The following CCDC63 variants were observed in gnomAD, a reference collection of about 807,000 sequenced individuals.
CCDC63 encodes coiled-coil domain containing 63, also known as coiled-coil domain-containing protein 63.
A neutral mutation model predicts 63.6 loss-of-function variants in CCDC63; 54 were observed. The ratio of observed to expected loss-of-function variants is 0.85; its 90% CI spans 0.68 to 1.07. The LOEUF is 1.07. CCDC63 is among the 50% of genes least tolerant of loss of function. CCDC63 has a pLI of 0.00. For missense variants in CCDC63, 637 were observed against 689.6 expected, an observed-to-expected ratio of 0.92 and a Z score of 0.86; for synonymous variants, 253 against 266.1, an observed-to-expected ratio of 0.95 and a Z score of 0.48.
At chr12:110,891,311 A>AAAACAAACAAAC (rs140894091) in intron 8 of CCDC63, among the ~76,000 whole-genome samples, 1 of 150,364 alleles carries the variant, frequency 6.7e-6, no homozygotes, top group African/African-American at 2.5e-5. Context: ...AGCTTGTCTC[A>AAAACAAACAAAC]AAACAAACAA....
chr12:110,852,282 G>A (rs1348032409), intron 1 of CCDC63, among the ~76,000 whole-genome samples: 1 of 151,990 alleles, frequency 6.6e-6, no homozygotes, highest in Non-Finnish European at 1.5e-5. Context: ...GTGAGATGGA[G>A]TCTCACTCTG....
intron 8 of CCDC63, among the ~76,000 whole-genome samples, chr12:110,885,669 G>C (rs975449653): frequency 2.0e-5 from 3 of 152,006 alleles, no homozygotes; most frequent in Non-Finnish European, 4.4e-5. Flanking sequence ...CTGCTCATTA[G>C]TCCTGACCCT....
rs548601390 is a variant in CCDC63 at position 110,870,364 on chromosome 12, G to A, written c.370-3478G>A. On this transcript the variant is annotated intron_variant, in intron 4 of 11. Coordinates refer to ENST00000308208, the MANE Select transcript of CCDC63 (RefSeq NM_152591.3). ...CCCAATGTGTTGGGATTACAGGCAT[G>A]AGGCACAGCACCCAGTCCTTTATTA... 5.9e-4 allele frequency among the ~76,000 whole-genome samples: 90 copies of A among 152,340 alleles called. 3 individuals are homozygous for A. The highest frequency in any genetic ancestry group is 3.1e-3 in the South Asian group (15 of 4,828).
intron 11 of CCDC63, among the ~76,000 whole-genome samples, chr12:110,906,008 TA>T (rs1349719202): frequency 5.3e-4 from 28 of 52,660 alleles, no homozygotes; most frequent in South Asian, 8.5e-4. Context: ...ATATATTATA[TA>T]ATATAATATA....
intron 5 of CCDC63, among the ~76,000 whole-genome samples, chr12:110,876,000 G>A (rs1244468639): frequency 3.3e-5 from 5 of 151,830 alleles, no homozygotes; most frequent in African/African-American, 1.2e-4. Context: ...CAGCTATTTT[G>A]GAGGCTGAGG....
intron 4 of CCDC63, among the ~76,000 whole-genome samples, chr12:110,865,464 C>CAAAAAAAAAAAA (rs10585238): frequency 7.2e-4 from 74 of 102,234 alleles, no homozygotes; most frequent in East Asian, 1.3e-3. Context: ...CAGCATATAC[C>CAAAAAAAAAAAA]AAAAAAAAAA....
rs554786882 is a variant in CCDC63 at position 110,886,513 on chromosome 12, G to A, written c.1074+2263G>A. ...TAAGGAAATTAAGAAGGGAGCATGC[G>A]GGAGTAGCCAGAGCTCCAGAAATGG... On this transcript the variant is annotated intron_variant, in intron 8 of 11. Transcript: ENST00000308208. Among the ~76,000 whole-genome samples, 4 of 152,316 alleles carry A rather than the reference G, an allele frequency of 2.6e-5. No homozygotes were observed. The South Asian group carries it at 8.3e-4, about 32-fold the overall frequency.
chr12:110,854,894 A>G (rs1356252235), intron 3 of CCDC63, among the ~76,000 whole-genome samples: 1 of 151,552 alleles, frequency 6.6e-6, no homozygotes, highest in Non-Finnish European at 1.5e-5. Context: ...TGCCTCTCAG[A>G]CTCAAGCGAT....
At chr12:110,858,143 AAAATAAAAT>A (rs1185990635) in intron 3 of CCDC63, among the ~76,000 whole-genome samples, 1 of 149,906 alleles carries the variant, frequency 6.7e-6, no homozygotes, top group Non-Finnish European at 1.5e-5. Flanking sequence ...AAAATAAAAT[AAAATAAAAT>A]AAAATAAAAA....
intron 4 of CCDC63, among the ~76,000 whole-genome samples, chr12:110,861,165 C>T (rs948397675): frequency 2.0e-5 from 3 of 152,042 alleles, no homozygotes; most frequent in African/African-American, 4.8e-5. Flanking sequence ...GAAAAACCAC[C>T]CCCCACCATC....
intron 4 of CCDC63, among the ~76,000 whole-genome samples, chr12:110,866,126 C>T (rs1015194822): frequency 6.6e-6 from 1 of 152,064 alleles, no homozygotes; most frequent in Non-Finnish European, 1.5e-5. Flanking sequence ...TACAGATGTG[C>T]ACCACCATGC....
At chr12:110,867,062 T>A (rs1222930509) in intron 4 of CCDC63, among the ~76,000 whole-genome samples, 2 of 126,862 alleles carry the variant, frequency 1.6e-5, no homozygotes, top group Non-Finnish European at 1.7e-5. Flanking sequence ...CACCTCCCAG[T>A]AGGGGCGGCC....
At chr12:110,847,301 T>C (rs1196532392) in intron 1 of CCDC63, among the ~76,000 whole-genome samples, 196 bp downstream of exon 1, 1 of 152,232 alleles carries the variant, frequency 6.6e-6, no homozygotes, top group Non-Finnish European at 1.5e-5. Flanking sequence ...AGGTGGCTCA[T>C]GCCTGTAATT....
At chr12:110,905,809 C>T (rs994824086) in intron 11 of CCDC63, among the ~76,000 whole-genome samples, 2 of 133,614 alleles carry the variant, frequency 1.5e-5, no homozygotes, top group African/African-American at 5.7e-5. Context: ...TACACAGGCA[C>T]ACACATGCGT....
intron 9 of CCDC63, among the ~76,000 whole-genome samples, chr12:110,898,538 A>C (rs951576472): frequency 6.6e-6 from 1 of 151,108 alleles, no homozygotes; most frequent in Non-Finnish European, 1.5e-5. Context: ...GAATTGCTTG[A>C]ACCTGGGAGG....
intron 3 of CCDC63, among the ~76,000 whole-genome samples, chr12:110,857,835 G>A (rs1420543817): frequency 2.6e-5 from 4 of 152,016 alleles, no homozygotes. Flanking sequence ...GGCCAGGCAC[G>A]GTGGCTCATG....
chr12:110,904,916 G>A, intron 11 of CCDC63, 125 bp downstream of exon 11: 1 of 696,298 alleles, frequency 1.4e-6, no homozygotes, highest in South Asian at 2.3e-5. Flanking sequence ...CTCTTTATGA[G>A]CTCTTGTGGC....
At chr12:110,903,548 T>G (rs1452118524) in intron 10 of CCDC63, among the ~76,000 whole-genome samples, 1 of 152,204 alleles carries the variant, frequency 6.6e-6, no homozygotes, top group African/African-American at 2.4e-5. Context: ...TTGTCATTGT[T>G]TTGTTTTTCC....
intron 11 of CCDC63, among the ~76,000 whole-genome samples, chr12:110,905,959 A>ATAAAATATATATTATATTAT (rs2071564999): frequency 1.2e-5 from 1 of 81,504 alleles, no homozygotes; most frequent in Non-Finnish European, 2.2e-5. Flanking sequence ...ATATTATTAT[A>ATAAAATATATATTATATTAT]ATATATATTA....
Sources: gnomAD v4.1 joint callset for allele counts (sites outside exome capture counted in the v4.1 genomes callset) on GRCh38, gnomAD v4.1.1 for gene constraint, MANE v1.5 for transcripts, NCBI Gene and HGNC (gene_info 2026-07-23, HGNC 2026-07-21) for gene names.